Variants in CDKL1 observed in about 807,000 individuals in gnomAD.
CDKL1 encodes the protein cyclin-dependent kinase-like 1.
CDKL1 carries 41 observed loss-of-function variants against 42.0 expected under a neutral mutation model. The observed-to-expected ratio is 0.98, with a 90% CI of 0.76 to 1.27. The LOEUF is 1.27. CDKL1 is among the 50% of genes most tolerant of loss of function. The pLI, the probability that CDKL1 is intolerant of heterozygous loss-of-function variation, is 0.00. For synonymous variants in CDKL1, 153 were observed against 158.6 expected (o/e 0.96, Z 0.26); for missense variants, 394 against 428.4 (o/e 0.92, Z 0.71).
intron 7 of CDKL1, chr14:50,334,908 C>A: frequency 4.4e-6 from 1 of 227,322 alleles, no homozygotes. Flanking sequence ...TGAAAAAAAA[C>A]TTTTCTGAGC....
intron 3 of CDKL1, chr14:50,357,174 G>A (rs570077299): frequency 1.3e-5 from 2 of 152,212 alleles, no homozygotes; most frequent in South Asian, 4.1e-4. Context: ...TCTCTGTATC[G>A]ATGACTTTCT....
intron 2 of CDKL1, among the ~76,000 whole-genome samples, chr14:50,389,481 A>AT (rs1256979338): frequency 2.6e-5 from 4 of 152,206 alleles, no homozygotes; most frequent in East Asian, 1.9e-4. Flanking sequence ...AAAAAGTTAG[A>AT]TTTTTTTGCC....
intron 2 of CDKL1, among the ~76,000 whole-genome samples, chr14:50,360,240 T>C (rs2034196181): frequency 6.6e-6 from 1 of 152,162 alleles, no homozygotes; most frequent in Admixed American, 6.5e-5. Flanking sequence ...ATCTTAATCA[T>C]TTTAAGTGTA....
intron 2 of CDKL1, among the ~76,000 whole-genome samples, chr14:50,359,431 C>CAGCTTGAAAGGA (rs1566591016): frequency 6.6e-6 from 1 of 151,986 alleles, no homozygotes; most frequent in Non-Finnish European, 1.5e-5. Context: ...AATACAAACT[C>CAGCTTGAAAGGA]AGCTTTCAAG....
chr14:50,388,074 C>T (rs2035141377), intron 2 of CDKL1, among the ~76,000 whole-genome samples: 1 of 151,998 alleles, frequency 6.6e-6, no homozygotes, highest in South Asian at 2.1e-4. Context: ...TTTTTTGTAT[C>T]TTTAGTAGAG....
chr14:50,339,830 A>C (rs1045287133), intron 6 of CDKL1, among the ~76,000 whole-genome samples: 7 of 152,164 alleles, frequency 4.6e-5, no homozygotes, highest in African/African-American at 1.7e-4. Context: ...TTTTGTTCAG[A>C]GAATATAGGG....
chr14:50,342,106 TAA>T, intron 5 of CDKL1, 24 bp downstream of exon 5: 1 of 1,593,166 alleles, frequency 6.3e-7, no homozygotes, highest in Non-Finnish European at 8.6e-7. Flanking sequence ...TTTTTATACT[TAA>T]CAAAAGAAAA....
chr14:50,353,453 C>T (rs2033962393), intron 3 of CDKL1, among the ~76,000 whole-genome samples: 2 of 152,124 alleles, frequency 1.3e-5, no homozygotes, highest in South Asian at 4.1e-4. Context: ...GACTTCATTT[C>T]TACACAAGGC....
intron 2 of CDKL1, among the ~76,000 whole-genome samples, chr14:50,379,758 G>A (rs1314543557): frequency 2.0e-5 from 3 of 152,146 alleles, no homozygotes; most frequent in East Asian, 1.9e-4. Flanking sequence ...GCAGCTCCTC[G>A]CCCAGTTTCT....
intron 1 of CDKL1, chr14:50,396,615 C>T: frequency 3.6e-6 from 1 of 277,818 alleles, no homozygotes; most frequent in Non-Finnish European, 5.5e-6. Context: ...TCTCATTTCC[C>T]TGCGGCAAGA....
chr14:50,346,769 GC>G (rs2033742120), intron 3 of CDKL1, among the ~76,000 whole-genome samples: 1 of 150,200 alleles, frequency 6.7e-6, no homozygotes, highest in South Asian at 2.1e-4. Context: ...TCCTGCCTCA[GC>G]CTCCAGTAGC....
At position 50,335,295 on chromosome 14, in the gene CDKL1, C is replaced by CAAAA. The variant is rs55777134; in HGVS notation, c.739-678_739-675dup. On this transcript the variant is annotated intron_variant, in intron 7 of 9. Transcript: ENST00000395834. ...TGGGCGACAGAGCAAGACCCTGTCT[C>CAAAA]AAAAAAAAAAAAAAAAAAAAAAAAA... Among the ~76,000 whole-genome samples, 27 of 54,312 alleles carry CAAAA rather than the reference C, an allele frequency of 5.0e-4. 1 individual carries two copies. The highest frequency in any genetic ancestry group is 1.2e-3 in the Admixed American group (5 of 4,312). The allele number at this position is 54,312 out of a possible 152,430, so 35.6% of individuals were successfully genotyped here. A position where few individuals can be genotyped will look rare whatever the true frequency, so the allele number is the denominator to read the frequency against.
intron 4 of CDKL1, chr14:50,342,799 G>C (rs1458961078): frequency 5.7e-6 from 6 of 1,051,268 alleles, no homozygotes; most frequent in Non-Finnish European, 7.3e-6. Flanking sequence ...GGCCTGCTGA[G>C]ATAAGCTGGG....
At chr14:50,332,535 G>A in intron 8 of CDKL1, 103 bp from the exon 9 acceptor site, 1 of 1,503,768 alleles carries the variant, frequency 6.6e-7, no homozygotes, top group Non-Finnish European at 8.9e-7. Context: ...GTTGCAATAA[G>A]AAGGGGGAAA....
At chr14:50,380,657 TG>T (rs774112946) in intron 2 of CDKL1, among the ~76,000 whole-genome samples, 3 of 152,210 alleles carry the variant, frequency 2.0e-5, no homozygotes, top group Non-Finnish European at 4.4e-5. Flanking sequence ...TCATGTTAAC[TG>T]GATCTCCTGG....
intron 3 of CDKL1, among the ~76,000 whole-genome samples, chr14:50,352,857 T>G (rs1435168099): frequency 6.6e-6 from 1 of 152,234 alleles, no homozygotes; most frequent in Non-Finnish European, 1.5e-5. Flanking sequence ...TGCCAACGTA[T>G]TCACCCATAC....
intron 2 of CDKL1, among the ~76,000 whole-genome samples, chr14:50,378,681 A>T (rs1023086584): frequency 2.6e-5 from 4 of 152,014 alleles, no homozygotes; most frequent in African/African-American, 9.7e-5. Flanking sequence ...CCACAGGCAC[A>T]CATGACCATG....
chr14:50,378,211 T>A lies in CDKL1; in HGVS notation c.168+17490A>T, dbSNP rs182101119. 7.7e-4 allele frequency: 1,049 copies of A among 1,366,436 alleles called. 6 individuals are homozygous for A. The highest frequency in any genetic ancestry group is 3.9e-4 in the Non-Finnish European group (396 of 1,021,784). 84.6% of individuals were successfully genotyped at this position (1,366,436 alleles called of 1,614,324 possible). A position where few individuals can be genotyped will look rare whatever the true frequency, so the allele number is the denominator to read the frequency against. On this transcript the variant is annotated intron_variant, in intron 2 of 9. Coordinates refer to ENST00000395834, the MANE Select transcript of CDKL1 (RefSeq NM_004196.7). The stretch of plus-strand genomic sequence containing the variant: ...TTAAAAATCCCTCACATGATGCAGG[T>A]GCCTCCTTAGGAGGGGGATGCCTGT...
chr14:50,344,937 C>T, intron 4 of CDKL1, 49 bp downstream of exon 4: 1 of 1,447,300 alleles, frequency 6.9e-7, no homozygotes, highest in Non-Finnish European at 9.7e-7. Context: ...GGCTCCACCT[C>T]AGCTTAAGGG....
Sources: gnomAD v4.1 joint callset for allele counts (sites outside exome capture counted in the v4.1 genomes callset) on GRCh38, gnomAD v4.1.1 for gene constraint, MANE v1.5 for transcripts, NCBI Gene and HGNC (gene_info 2026-07-23, HGNC 2026-07-21) for gene names.